The following RBFOX3 variants were observed in gnomAD, a reference collection of about 807,000 sequenced individuals.
RBFOX3 encodes RNA binding protein fox-1 homolog 3.
In RBFOX3, 17 loss-of-function variants were observed where a neutral mutation model predicts 48.7. That is an observed-to-expected ratio of 0.35 (90% confidence interval 0.24 to 0.52). RBFOX3 has a LOEUF of 0.52. RBFOX3 is among the 20% of genes least tolerant of loss of function. RBFOX3 has a pLI of 0.94. For synonymous variants in RBFOX3, 212 were observed against 209.5 expected (o/e 1.01, Z -0.10); for missense variants, 382 against 497.5 (o/e 0.77, Z 2.21).
intron 1 of RBFOX3, among the ~76,000 whole-genome samples, chr17:79,498,641 C>T (rs1555775854): frequency 6.7e-6 from 1 of 150,130 alleles, no homozygotes; most frequent in African/African-American, 2.5e-5. Flanking sequence ...CATAAGCCTA[C>T]CCATCCATCC....
intron 2 of RBFOX3, among the ~76,000 whole-genome samples, chr17:79,355,025 G>A (rs2084698927): frequency 1.3e-5 from 2 of 152,136 alleles, no homozygotes; most frequent in African/African-American, 4.8e-5. Flanking sequence ...CCCCTCTAAT[G>A]GGGACTCTTC....
At chr17:79,438,868 G>A (rs557084895) in intron 2 of RBFOX3, among the ~76,000 whole-genome samples, 6 of 152,358 alleles carry the variant, frequency 3.9e-5, no homozygotes, top group East Asian at 1.9e-4. Flanking sequence ...TCCATGGCAC[G>A]GCAGTAAGAG....
intron 2 of RBFOX3, among the ~76,000 whole-genome samples, chr17:79,378,185 G>T (rs1269694250): frequency 6.6e-6 from 1 of 151,990 alleles, no homozygotes; most frequent in African/African-American, 2.4e-5. Context: ...GCCCTGGAAA[G>T]CACCGAGCCT....
intron 4 of RBFOX3, among the ~76,000 whole-genome samples, chr17:79,129,184 C>T (rs933998128): frequency 3.3e-5 from 5 of 150,408 alleles, no homozygotes; most frequent in East Asian, 3.9e-4. Flanking sequence ...TGAAGGCTTA[C>T]GAATGCCCAG....
At chr17:79,624,403 T>A in the RBFOX3 span, among the ~76,000 whole-genome samples, 2 of 152,036 alleles carry the variant, frequency 1.3e-5, no homozygotes, top group African/African-American at 4.8e-5. Context: ...CTCACCCTAC[T>A]AAGTTCCATC....
chr17:79,439,646 A>G (rs2070401826), intron 2 of RBFOX3, among the ~76,000 whole-genome samples: 1 of 152,236 alleles, frequency 6.6e-6, no homozygotes, highest in Non-Finnish European at 1.5e-5. Flanking sequence ...CACTGCACAC[A>G]TGTATGTCCA....
chr17:79,179,393 T>C (rs72856460), intron 4 of RBFOX3, among the ~76,000 whole-genome samples: 19,448 of 152,182 alleles, frequency 0.13, 1,323 homozygotes, highest in Non-Finnish European at 0.15. Flanking sequence ...CGGTGCCTGG[T>C]GATGTTTACC....
Position 79,090,779 on chromosome 17 carries a change from T to G in RBFOX3, c.*104A>C. The G allele has an allele frequency of 1.5e-6, 2 of 1,363,188 alleles. No individual in the cohort carries two copies. The highest frequency in any genetic ancestry group is 2.0e-6 in the Non-Finnish European group (2 of 1,010,400). The allele number at this position is 1,363,188 out of a possible 1,614,324, so 84.4% of individuals were successfully genotyped here. A position where few individuals can be genotyped will look rare whatever the true frequency, so the allele number is the denominator to read the frequency against. On this transcript the variant is annotated 3_prime_UTR_variant, in exon 15 of 15. Transcript: ENST00000693108. ...CTCTTGGTTTGGTTGGTTTTTTTTT[T>G]GTTGCTTGGATCTTAACATCTTTTT...
Position 79,224,847 on chromosome 17 carries a change from G to T in RBFOX3, c.-34+10919C>A, listed in dbSNP as rs866248681. On this transcript the variant is annotated intron_variant, in intron 4 of 14. Transcript: ENST00000693108. ...CTGGTGTTTTTGGAACTCAGAGCAA[G>T]ATTTTACATTTAGTCTTGTTACATT... Among the ~76,000 whole-genome samples the T allele has an allele frequency of 3.3e-5, 5 of 152,364 alleles. No homozygotes were observed. The South Asian group carries it at 1.0e-3, about 32-fold the overall frequency.
chr17:79,553,388 A>G (rs1599135271), intron 1 of RBFOX3, among the ~76,000 whole-genome samples: 1 of 152,128 alleles, frequency 6.6e-6, no homozygotes, highest in East Asian at 1.9e-4. Context: ...TGTTATTTAA[A>G]TTTTTGCATT....
intron 4 of RBFOX3, among the ~76,000 whole-genome samples, chr17:79,151,149 C>T (rs1474721773): frequency 6.6e-6 from 1 of 152,052 alleles, no homozygotes; most frequent in Non-Finnish European, 1.5e-5. Context: ...CGCGCTGCTC[C>T]CCCTACTCGG....
intron 3 of RBFOX3, among the ~76,000 whole-genome samples, chr17:79,246,175 T>C (rs918671027): frequency 8.5e-5 from 13 of 152,186 alleles, no homozygotes; most frequent in Admixed American, 2.0e-4. Flanking sequence ...AAACCATCTA[T>C]AGAATGACAT....
At chr17:79,638,562 C>T in the RBFOX3 span, among the ~76,000 whole-genome samples, 1 of 152,142 alleles carries the variant, frequency 6.6e-6, no homozygotes, top group East Asian at 1.9e-4. Flanking sequence ...CCTAAACATC[C>T]TATAGTTTGG....
chr17:79,598,022 C>G (rs1599256332), intron 1 of RBFOX3: 1 of 144,910 alleles, frequency 6.9e-6, no homozygotes, highest in East Asian at 2.1e-4. Flanking sequence ...CAGAGAGGAG[C>G]CTGATCAGAA....
chr17:79,095,445 G>T, intron 13 of RBFOX3, 68 bp downstream of exon 13: 1 of 1,422,774 alleles, frequency 7.0e-7, no homozygotes, highest in Admixed American at 2.0e-5. Context: ...TCTGGGCCCA[G>T]CTCCCCAGGG....
At chr17:79,373,743 C>G (rs1362324024) in intron 2 of RBFOX3, among the ~76,000 whole-genome samples, 1 of 152,194 alleles carries the variant, frequency 6.6e-6, no homozygotes, top group Non-Finnish European at 1.5e-5. Context: ...TACCACCTGC[C>G]CAGCAAGTCA....
intron 3 of RBFOX3, among the ~76,000 whole-genome samples, chr17:79,272,466 C>T (rs1181872485): frequency 6.6e-6 from 1 of 152,176 alleles, no homozygotes; most frequent in Non-Finnish European, 1.5e-5. Flanking sequence ...CTGAGACAAG[C>T]CATTCCCCTC....
At chr17:79,258,778 G>A (rs558261596) in intron 3 of RBFOX3, among the ~76,000 whole-genome samples, 16 of 152,298 alleles carry the variant, frequency 1.1e-4, no homozygotes, top group Non-Finnish European at 2.2e-4. Flanking sequence ...TCATCTCCTA[G>A]TGGGAATCCC....
At chr17:79,324,438 C>T (rs1463268655) in intron 2 of RBFOX3, among the ~76,000 whole-genome samples, 1 of 152,016 alleles carries the variant, frequency 6.6e-6, no homozygotes, top group African/African-American at 2.4e-5. Context: ...ACTCTGTTTT[C>T]AAGGGCTAGT....
Sources: allele counts gnomAD v4.1 joint callset (sites outside exome capture counted in the v4.1 genomes callset), GRCh38; gene constraint gnomAD v4.1.1; transcripts MANE v1.5; gene names NCBI Gene and HGNC (gene_info 2026-07-23, HGNC 2026-07-21).